The following SOX6 variants were observed in gnomAD, a reference collection of about 807,000 sequenced individuals.
SOX6 encodes transcription factor SOX-6.
In SOX6, 11 loss-of-function variants were observed where a neutral mutation model predicts 97.8. The ratio of observed to expected loss-of-function variants is 0.11; its 90% CI spans 0.07 to 0.19. SOX6 has a LOEUF of 0.19. Ranked by LOEUF, SOX6 falls within the 10% of genes least tolerant of loss-of-function variation. The pLI is 1.00. For missense variants in SOX6, 810 were observed against 1,039.5 expected (o/e 0.78, Z 3.04); for synonymous variants, 360 against 371.4 (o/e 0.97, Z 0.35).
rs1853207085 is a variant in SOX6, at chr11:16,241,920, TA to T, written c.446-7250del. On this transcript the variant is annotated intron_variant, in intron 3 of 15. Transcript: ENST00000683767. ...TAGCATACTTACATCCCAAAATAGATAAAACAGAATTTTATTCCTGGGCTTT... is the reference window on the plus strand; with the variant it reads ...TAGCATACTTACATCCCAAAATAGATAAACAGAATTTTATTCCTGGGCTTT... 3.3e-5 allele frequency among the ~76,000 whole-genome samples: 5 copies of T among 152,074 alleles called. No individual in the cohort carries two copies. In the South Asian group the frequency reaches 1.0e-3, roughly 31 times the overall value.
intron 1 of SOX6, among the ~76,000 whole-genome samples, chr11:16,416,547 A>G (rs951198740): frequency 6.6e-6 from 1 of 152,174 alleles, no homozygotes; most frequent in Non-Finnish European, 1.5e-5. Flanking sequence ...ATCTGCCCCA[A>G]ATTATTTAAA....
chr11:16,063,793 C>T (rs1215155050), intron 9 of SOX6, among the ~76,000 whole-genome samples: 1 of 150,720 alleles, frequency 6.6e-6, no homozygotes, highest in African/African-American at 2.4e-5. Flanking sequence ...TTAATCTTCA[C>T]AATTATTATA....
intron 3 of SOX6, among the ~76,000 whole-genome samples, chr11:16,690,035 A>G (rs1437287214): frequency 6.6e-6 from 1 of 151,064 alleles, no homozygotes; most frequent in East Asian, 1.9e-4. Flanking sequence ...AGCAATTCTC[A>G]TGCCTCAGCC....
At chr11:16,391,694 T>A (rs1858187959) in intron 1 of SOX6, among the ~76,000 whole-genome samples, 1 of 151,936 alleles carries the variant, frequency 6.6e-6, no homozygotes, top group Non-Finnish European at 1.5e-5. Context: ...TAAGTGAAGA[T>A]GAAAATGAGT....
At chr11:16,098,272 G>C (rs545858480) in intron 7 of SOX6, among the ~76,000 whole-genome samples, 1 of 151,824 alleles carries the variant, frequency 6.6e-6, no homozygotes, top group Non-Finnish European at 1.5e-5. Flanking sequence ...AACCATGTTT[G>C]TCTGGATTAA....
At chr11:16,340,181 A>C (rs757952857) in intron 2 of SOX6, among the ~76,000 whole-genome samples, 8 of 152,090 alleles carry the variant, frequency 5.3e-5, no homozygotes, top group Non-Finnish European at 1.2e-4. Context: ...AAGAAATAAA[A>C]ATTTTCTCAG....
intron 12 of SOX6, among the ~76,000 whole-genome samples, chr11:16,026,206 C>T (rs968605231): frequency 6.6e-6 from 1 of 152,168 alleles, no homozygotes; most frequent in African/African-American, 2.4e-5. Flanking sequence ...CTTTCTTTCT[C>T]TCTAAGATCT....
chr11:16,587,909 C>A (rs1300485269), intron 4 of SOX6, among the ~76,000 whole-genome samples: 1 of 152,184 alleles, frequency 6.6e-6, no homozygotes, highest in Non-Finnish European at 1.5e-5. Flanking sequence ...CAATGCCCTG[C>A]CTATTTCATC....
chr11:16,070,043 T>C (rs1371401974), intron 9 of SOX6, among the ~76,000 whole-genome samples: 3 of 152,036 alleles, frequency 2.0e-5, no homozygotes, highest in Non-Finnish European at 4.4e-5. Context: ...TAGTCCCAGC[T>C]ACTCGGGAGG....
chr11:16,427,601 T>C (rs1298887285), intron 1 of SOX6, among the ~76,000 whole-genome samples: 1 of 152,078 alleles, frequency 6.6e-6, no homozygotes, highest in Non-Finnish European at 1.5e-5. Flanking sequence ...GTCCTTGCAA[T>C]AGTTTGCTGA....
At chr11:16,225,160 T>C (rs1020917706) in intron 4 of SOX6, among the ~76,000 whole-genome samples, 5 of 152,048 alleles carry the variant, frequency 3.3e-5, no homozygotes, top group African/African-American at 1.2e-4. Flanking sequence ...TTTTTAAAAA[T>C]CTATAAAATC....
chr11:16,519,162 C>T (rs1590231037), intron 4 of SOX6, among the ~76,000 whole-genome samples: 1 of 152,124 alleles, frequency 6.6e-6, no homozygotes, highest in Non-Finnish European at 1.5e-5. Context: ...AAGAAAAAAA[C>T]ATAAATGAAC....
chr11:16,549,980 A>T (rs369991233), intron 4 of SOX6, among the ~76,000 whole-genome samples: 2 of 152,194 alleles, frequency 1.3e-5, no homozygotes, highest in African/African-American at 4.8e-5. Context: ...AAGCCTTTGG[A>T]GATGATGAAA....
intron 1 of SOX6, among the ~76,000 whole-genome samples, chr11:16,456,034 A>G (rs977225671): frequency 2.0e-5 from 3 of 152,072 alleles, no homozygotes; most frequent in African/African-American, 7.2e-5. Flanking sequence ...AAATTCTTAA[A>G]CCTTATTTTC....
At chr11:16,445,905 T>C (rs1248551328) in intron 1 of SOX6, among the ~76,000 whole-genome samples, 2 of 152,180 alleles carry the variant, frequency 1.3e-5, no homozygotes, top group African/African-American at 4.8e-5. Context: ...CTAATGGTCA[T>C]ACAATATCTA....
intron 4 of SOX6, among the ~76,000 whole-genome samples, chr11:16,549,357 C>T (rs541760613): frequency 2.5e-4 from 36 of 143,962 alleles, no homozygotes; most frequent in Middle Eastern, 3.6e-3. Flanking sequence ...TTAGTAGAGA[C>T]GGGGTTTCTC....
chr11:16,571,490 G>A (rs1053426309), intron 4 of SOX6, among the ~76,000 whole-genome samples: 2 of 152,082 alleles, frequency 1.3e-5, no homozygotes, highest in Non-Finnish European at 2.9e-5. Context: ...CTATTTACAT[G>A]TGCGATCACA....
intron 12 of SOX6, among the ~76,000 whole-genome samples, chr11:16,026,882 GA>G (rs1299794067): frequency 6.6e-6 from 1 of 152,068 alleles, no homozygotes; most frequent in Non-Finnish European, 1.5e-5. Context: ...AAAAGAAGAA[GA>G]AAATATTTAG....
chr11:16,285,325 G>A (rs902736573), intron 3 of SOX6, among the ~76,000 whole-genome samples: 2 of 152,108 alleles, frequency 1.3e-5, no homozygotes, highest in Admixed American at 6.6e-5. Context: ...CTGAGGTCAG[G>A]AGTTCGAGAC....
Sources: gnomAD v4.1 joint callset for allele counts (sites outside exome capture counted in the v4.1 genomes callset) on GRCh38, gnomAD v4.1.1 for gene constraint, MANE v1.5 for transcripts, NCBI Gene and HGNC (gene_info 2026-07-23, HGNC 2026-07-21) for gene names.